SPATA13: variants seen among roughly 807,000 people sequenced by gnomAD.
SPATA13 encodes spermatogenesis associated 13.
In SPATA13, 50 loss-of-function variants were observed where a neutral mutation model predicts 104.0. The ratio of observed to expected loss-of-function variants is 0.48; its 90% CI spans 0.38 to 0.61. The LOEUF (loss-of-function observed/expected upper bound fraction) is 0.61. SPATA13 is among the 20% of genes least tolerant of loss of function. SPATA13 has a pLI of 0.00. For missense variants in SPATA13, 1,524 were observed against 1,690.6 expected, an observed-to-expected ratio of 0.90 and a Z score of 1.73; for synonymous variants, 606 against 667.5, an observed-to-expected ratio of 0.91 and a Z score of 1.42.
At chr13:24,072,368 A>G (rs1472815507) in intron 3 of SPATA13, among the ~76,000 whole-genome samples, 1 of 152,234 alleles carries the variant, frequency 6.6e-6, no homozygotes, top group Non-Finnish European at 1.5e-5. Context: ...TAAATGGGAA[A>G]TCAAGCATTT....
intron 1 of SPATA13, among the ~76,000 whole-genome samples, chr13:24,215,074 C>T (rs1871206353): frequency 6.6e-6 from 1 of 152,158 alleles, no homozygotes; most frequent in East Asian, 1.9e-4. Context: ...GACGCGCTGG[C>T]AATGAGAACC....
chr13:24,077,625 T>A lies in SPATA13; in HGVS notation c.-112+59924T>A, dbSNP rs575212586. Among the ~76,000 whole-genome samples, 67 of 148,988 alleles carry A rather than the reference T, an allele frequency of 4.5e-4. No homozygotes were observed. In the South Asian group the frequency reaches 0.01, roughly 23 times the overall value. ...GGATCTGCTGGATCTAAAATAAAATTTAAAAAAAAAAGACAAAACAGAATA... is the reference window on the plus strand; with the variant it reads ...GGATCTGCTGGATCTAAAATAAAATATAAAAAAAAAAGACAAAACAGAATA... On this transcript the variant is annotated intron_variant, in intron 3 of 14. Coordinates refer to the SPATA13 transcript ENST00000424834.
intron 1 of SPATA13, among the ~76,000 whole-genome samples, chr13:24,198,906 T>C (rs1055579899): frequency 3.3e-5 from 5 of 152,038 alleles, no homozygotes; most frequent in African/African-American, 4.8e-5. Flanking sequence ...GATTAAAGGA[T>C]TGTATTTTTA....
chr13:24,028,706 T>C (rs1017116273), intron 3 of SPATA13, among the ~76,000 whole-genome samples: 10 of 152,242 alleles, frequency 6.6e-5, no homozygotes, highest in African/African-American at 2.4e-4. Flanking sequence ...AGAATTCCAA[T>C]TGAATGTTTG....
intron 3 of SPATA13, among the ~76,000 whole-genome samples, chr13:24,137,224 C>T (rs939134008): frequency 7.2e-5 from 11 of 152,106 alleles, no homozygotes; most frequent in Non-Finnish European, 1.6e-4. Flanking sequence ...ATTATTTCAC[C>T]CCTTTGGGCT....
chr13:24,122,587 C>A (rs1448475687), intron 3 of SPATA13: 19 of 1,526,096 alleles, frequency 1.2e-5, no homozygotes, highest in Non-Finnish European at 1.7e-5. Flanking sequence ...AATTTTGTTG[C>A]ATGACACTCT....
Position 24,094,480 on chromosome 13 carries a change from C to T in SPATA13, c.-112+76779C>T, listed in dbSNP as rs536882799. ...CAGCAGGGCAAGGAAGGCAGAATGG[C>T]ATCTGCCAAATACTGTGACGGGACA... On this transcript the variant is annotated intron_variant, in intron 3 of 14. Transcript: ENST00000424834. 3.3e-5 allele frequency among the ~76,000 whole-genome samples: 5 copies of T among 152,312 alleles called. No homozygotes were observed. The East Asian group carries it at 9.6e-4, about 29-fold the overall frequency.
At chr13:24,257,031 C>T (rs150834546) in intron 4 of SPATA13, among the ~76,000 whole-genome samples, 4 of 152,310 alleles carry the variant, frequency 2.6e-5, no homozygotes, top group African/African-American at 9.6e-5. Context: ...TCCATCACAG[C>T]CTACCTAAGC....
intron 3 of SPATA13, among the ~76,000 whole-genome samples, chr13:24,085,419 G>A (rs920979460): frequency 3.3e-5 from 5 of 152,242 alleles, no homozygotes; most frequent in East Asian, 1.9e-4. Context: ...GAGCCACCGC[G>A]TCCAGCTTCT....
At chr13:24,236,275 T>C (rs1487175416) in intron 2 of SPATA13, among the ~76,000 whole-genome samples, 3 of 152,062 alleles carry the variant, frequency 2.0e-5, no homozygotes, top group Non-Finnish European at 4.4e-5. Flanking sequence ...AATGATATCT[T>C]CAACAACAAC....
intron 3 of SPATA13, among the ~76,000 whole-genome samples, chr13:24,136,233 A>T (rs1484561250): frequency 2.0e-5 from 3 of 152,218 alleles, no homozygotes; most frequent in Non-Finnish European, 2.9e-5. Context: ...GCACTTTGGG[A>T]GGCCGAGGTG....
At chr13:24,122,699 A>G in intron 3 of SPATA13, 2 of 961,506 alleles carry the variant, frequency 2.1e-6, no homozygotes, top group Admixed American at 3.4e-5. Flanking sequence ...CAACTGTTAC[A>G]TAATTACGAA....
chr13:24,164,621 C>G (rs1882646109), intron 1 of SPATA13, among the ~76,000 whole-genome samples: 1 of 152,148 alleles, frequency 6.6e-6, no homozygotes, highest in Non-Finnish European at 1.5e-5. Flanking sequence ...TTTCATTGCT[C>G]CCTAAATGAG....
chr13:24,196,796 A>G (rs1177648790), intron 1 of SPATA13, among the ~76,000 whole-genome samples: 2 of 152,188 alleles, frequency 1.3e-5, no homozygotes, highest in African/African-American at 4.8e-5. Context: ...GTGTTCAGTA[A>G]TATTATTTAC....
At chr13:24,050,398 G>A (rs871970) in intron 3 of SPATA13, among the ~76,000 whole-genome samples, 66,071 of 152,066 alleles carry the variant, frequency 0.43, 16,146 homozygotes, top group African/African-American at 0.67. Flanking sequence ...CAAGAAATCA[G>A]ATATCCTTGT....
At chr13:24,138,611 T>A (rs1308248554) in intron 3 of SPATA13, among the ~76,000 whole-genome samples, 1 of 152,134 alleles carries the variant, frequency 6.6e-6, no homozygotes, top group East Asian at 1.9e-4. Context: ...AGAGATGGAT[T>A]TTCACTGTGT....
intron 4 of SPATA13, chr13:24,252,610 TCTC>T (rs1873557040): frequency 6.6e-6 from 1 of 152,196 alleles, no homozygotes; most frequent in African/African-American, 2.4e-5. Context: ...GTAGAGCACT[TCTC>T]CTCCCACCCC....
At position 24,173,304 on chromosome 13, in the gene SPATA13, T is replaced by G. The variant is rs2138509456; in HGVS notation, c.-112+12372T>G. On this transcript the variant is annotated intron_variant, in intron 1 of 12. Transcript: ENST00000382108. ...ATGTTAGCCGGGATAGACAATTGAT[T>G]TTTAAAATGTTTGGCTTGTATCCTG... 3.9e-5 allele frequency among the ~76,000 whole-genome samples: 6 copies of G among 152,050 alleles called. No individual in the cohort carries two copies. The South Asian group carries it at 1.2e-3, about 32-fold the overall frequency.
chr13:24,125,778 G>A (rs1473250966), intron 3 of SPATA13, among the ~76,000 whole-genome samples: 5 of 152,292 alleles, frequency 3.3e-5, no homozygotes, highest in African/African-American at 9.6e-5. Flanking sequence ...GAGCAAAAAG[G>A]AACCAGGAGG....
Sources: gnomAD v4.1 joint callset for allele counts (sites outside exome capture counted in the v4.1 genomes callset) on GRCh38, gnomAD v4.1.1 for gene constraint, MANE v1.5 for transcripts, NCBI Gene and HGNC (gene_info 2026-07-23, HGNC 2026-07-21) for gene names.